Variants in MAPT observed in about 807,000 individuals in gnomAD.
MAPT encodes microtubule-associated protein tau.
MAPT carries 34 observed loss-of-function variants against 67.9 expected under a neutral mutation model. The ratio of observed to expected loss-of-function variants is 0.50; its 90% CI spans 0.38 to 0.67. MAPT has a LOEUF of 0.67. Ranked by LOEUF, MAPT falls within the 30% of genes least tolerant of loss-of-function variation. MAPT has a pLI of 0.00. For missense variants in MAPT, 881 were observed against 1,115.2 expected (o/e 0.79, Z 2.99); for synonymous variants, 456 against 464.5 (o/e 0.98, Z 0.23).
intron 3 of MAPT, 22 bp from the exon 4 acceptor site, chr17:45,978,353 C>T (rs1286825688): frequency 1.2e-6 from 2 of 1,603,924 alleles, no homozygotes; most frequent in Admixed American, 3.3e-5. Flanking sequence ...TACCCCCCTT[C>T]ATTTGCTGAC....
chr17:45,996,140 G>A lies in MAPT; in HGVS notation c.1733-259G>A, dbSNP rs2145827363. 6.6e-6 allele frequency among the ~76,000 whole-genome samples: 1 copy of A among 152,284 alleles called. No individual in the cohort carries two copies. The highest frequency in any genetic ancestry group is 1.9e-4 in the East Asian group (1 of 5,180). On this transcript the variant is annotated intron_variant, in intron 8 of 12. Transcript: ENST00000262410. The surrounding 1 kb of genome is among the most constrained non-coding windows in gnomAD (Gnocchi z 4.5). ...TGGAGCCGAGTTGGCCACCTCTCTG[G>A]GAGCGGGTATTGGATGGTGGTTGAT... is the stretch of plus-strand genomic sequence containing the variant.
chr17:45,956,546 TTTTATATATATATATATATATATATATA>T (rs1476027280), intron 1 of MAPT, among the ~76,000 whole-genome samples: 106 of 126,778 alleles, frequency 8.4e-4, no homozygotes, highest in African/African-American at 3.2e-3. Flanking sequence ...TAGCAGGTTC[TTTTATATATATATATATATATATATATA>T]TATATATATA....
chr17:45,922,216 G>A (rs957570506), intron 1 of MAPT, among the ~76,000 whole-genome samples: 16 of 152,116 alleles, frequency 1.1e-4, no homozygotes, highest in Admixed American at 6.5e-4. Flanking sequence ...CGAAGTGCTA[G>A]GATTACAGGC....
At chr17:45,992,613 G>A (rs1387351404) in intron 8 of MAPT, among the ~76,000 whole-genome samples, 2 of 152,188 alleles carry the variant, frequency 1.3e-5, no homozygotes, top group Non-Finnish European at 2.9e-5. Context: ...TCGCGGCTGG[G>A]CGTGGTGGCT....
In MAPT at chr17:46,010,216, G is replaced by A. The variant is rs975398863; in HGVS notation, c.1999-94G>A. ...CGAGCAAGTAGGCGGGTCCAGGGTG[G>A]CGCATGTCACTCATCGAAAGTGGAG... On this transcript the variant is annotated intron_variant, in intron 9 of 12. Transcript: ENST00000262410. The surrounding 1 kb of genome is among the most constrained non-coding windows in gnomAD (Gnocchi z 4.7). 1.2e-6 allele frequency: 1 copy of A among 823,626 alleles called. No individual in the cohort carries two copies. Among genetic ancestry groups the A allele is most frequent in the Admixed American group, 2.0e-5 (1 of 50,106 alleles). The allele number at this position is 823,626 out of a possible 1,614,324, so 51.0% of individuals were successfully genotyped here. A position where few individuals can be genotyped will look rare whatever the true frequency, so the allele number is the denominator to read the frequency against.
chr17:45,929,932 A>G lies in MAPT; in HGVS notation c.-17-32389A>G, dbSNP rs140858113. Among the ~76,000 whole-genome samples, 1,078 of 152,296 alleles carry G rather than the reference A, an allele frequency of 7.1e-3. 16 individuals carry two copies. The highest frequency in any genetic ancestry group is 0.025 in the African/African-American group (1,033 of 41,558). ...CCAGGGGAGCAGATAATGGGTATCC[A>G]GTTCCTGCAATATCCACCCTCTGGC... On this transcript the variant is annotated intron_variant, in intron 1 of 12. Transcript: ENST00000262410.
At chr17:46,023,566 G>A (rs1407380186) in intron 12 of MAPT, among the ~76,000 whole-genome samples, 3 of 152,216 alleles carry the variant, frequency 2.0e-5, no homozygotes, top group Non-Finnish European at 2.9e-5. Context: ...CTGGCCAGGC[G>A]CAGTGGCTCA....
rs1315222459 is a variant in MAPT, at chr17:46,006,970, AAAATAAAAT to A, written c.1999-3327_1999-3319del. Among the ~76,000 whole-genome samples, 774 of 106,364 alleles carry A rather than the reference AAAATAAAAT, an allele frequency of 7.3e-3. 4 individuals carry two copies. The highest frequency in any genetic ancestry group is 0.02 in the African/African-American group (741 of 36,264). The allele number at this position is 106,364 out of a possible 152,430, so 69.8% of individuals were successfully genotyped here. On this transcript the variant is annotated intron_variant, in intron 9 of 12. Coordinates refer to ENST00000262410, the MANE Select transcript of MAPT (RefSeq NM_001377265.1). ...ATAAAATAATAAAATAAAATAAAAT[AAAATAAAAT>A]AAATAAAATAAAATAAAATGTATAA...
chr17:45,905,583 G>A lies in MAPT; in HGVS notation c.-18+10897G>A, dbSNP rs556455910. Among the ~76,000 whole-genome samples, 9 of 152,250 alleles carry A rather than the reference G, an allele frequency of 5.9e-5. No individual in the cohort carries two copies. The South Asian group carries it at 1.0e-3, about 18-fold the overall frequency. On this transcript the variant is annotated intron_variant, in intron 1 of 12. Coordinates refer to ENST00000262410, the MANE Select transcript of MAPT (RefSeq NM_001377265.1). ...AAAAGACTTTTAAAAAGATCTTATCGTTTGTTACCAGTAAGACTGAATTCC... is the reference window on the plus strand; with the variant it reads ...AAAAGACTTTTAAAAAGATCTTATCATTTGTTACCAGTAAGACTGAATTCC...
rs1180865493 is a variant in MAPT, at chr17:46,018,702, C to A, written c.2258C>A (p.Thr753Asn). The change falls in exon 12 of 13, where the codon ACC becomes AAC. Residue 753 changes from threonine to asparagine, a missense_variant. Physicochemically the swap from Thr to Asn is moderately conservative, Grantham distance 65. Around this residue, in one of 6 missense-constraint regions of MAPT, gnomAD observed 79 missense variants for 150.9 expected, o/e 0.52. Transcript: ENST00000262410. ...QSKIGSLDNI[T>N]HVPGGGNKKI... The stretch of plus-strand genomic sequence containing the variant: ...AAGATTGGGTCCCTGGACAATATCA[C>A]CCACGTCCCTGGCGGAGGAAATAAA... 2 of 1,614,012 alleles carry A rather than the reference C, an allele frequency of 1.2e-6. No individual in the cohort carries two copies. Among genetic ancestry groups the A allele is most frequent in the Admixed American group, 3.3e-5 (2 of 60,018 alleles).
intron 10 of MAPT, among the ~76,000 whole-genome samples, chr17:46,013,636 C>T (rs909619297): frequency 4.6e-5 from 7 of 152,214 alleles, no homozygotes; most frequent in Non-Finnish European, 8.8e-5. Flanking sequence ...CACGTCCGAG[C>T]TGCTGAACTC....
In MAPT at chr17:45,983,036, C is replaced by G. The variant is rs953065737; in HGVS notation, c.457C>G (p.Gln153Glu). Residue 153 changes from glutamine (Q) to glutamate (E), a missense_variant, in exon 5 of 13, where the codon CAG becomes GAG. Physicochemically the swap from Gln to Glu is conservative, Grantham distance 29 (BLOSUM62 2). This residue lies in a region of MAPT where 687 missense variants were observed against 766.1 expected (regional missense o/e 0.90). Transcript: ENST00000262410. Reference sequence around the variant, plus strand: ...CGTCCCGCTGACCGCGAGCCTTCCTCAGCACCGTCCCGTTTGCCCAGCGCC... The same window carrying G: ...CGTCCCGCTGACCGCGAGCCTTCCTGAGCACCGTCCCGTTTGCCCAGCGCC... ...APVPLTASLP[Q>E]HRPVCPAPPP... The G allele has an allele frequency of 3.2e-5, 48 of 1,504,076 alleles. No homozygotes were observed. Among genetic ancestry groups the G allele is most frequent in the Non-Finnish European group, 4.3e-5 (48 of 1,123,204 alleles). 93.2% of individuals were successfully genotyped at this position (1,504,076 alleles called of 1,614,324 possible). A position where few individuals can be genotyped will look rare whatever the true frequency, so the allele number is the denominator to read the frequency against.
At chr17:45,980,573 T>C (rs2072848384) in intron 4 of MAPT, 1 of 151,708 alleles carries the variant, frequency 6.6e-6, no homozygotes. Context: ...ATTAATCATG[T>C]CAGTTTCCTC....
At chr17:45,964,616 G>A (rs1415695832) in intron 2 of MAPT, among the ~76,000 whole-genome samples, 4 of 151,860 alleles carry the variant, frequency 2.6e-5, no homozygotes, top group East Asian at 1.9e-4. Context: ...CCCAGGAGGC[G>A]GAGGTTGCCG....
chr17:46,021,070 C>A (rs992392970), intron 12 of MAPT, among the ~76,000 whole-genome samples: 9 of 152,170 alleles, frequency 5.9e-5, no homozygotes, highest in African/African-American at 2.2e-4. Context: ...AGATGGGCAC[C>A]CTCATCTTGT....
chr17:46,013,452 T>A (rs2075959545), intron 10 of MAPT, among the ~76,000 whole-genome samples: 1 of 152,182 alleles, frequency 6.6e-6, no homozygotes, highest in South Asian at 2.1e-4. Flanking sequence ...GAGGGAGCGG[T>A]GCCCTGGAGG....
At chr17:45,990,105 G>C (rs938808330) in intron 7 of MAPT, 30 bp downstream of exon 7, 8 of 1,602,858 alleles carry the variant, frequency 5.0e-6, no homozygotes, top group Non-Finnish European at 6.0e-6. Context: ...AAAGAACCAG[G>C]CTGCTCTGCT....
Position 45,996,781 on chromosome 17 carries a change from C to A in MAPT, c.1998+117C>A. 7.0e-7 allele frequency: 1 copy of A among 1,421,706 alleles called. No individual in the cohort carries two copies. The allele number at this position is 1,421,706 out of a possible 1,614,324, so 88.1% of individuals were successfully genotyped here. ...CGCGGTTGAGCGTGGAGTCGTGGGACTGTGCATGGAGGTGTGGGGCTCCCC... is the reference window on the plus strand; with the variant it reads ...CGCGGTTGAGCGTGGAGTCGTGGGAATGTGCATGGAGGTGTGGGGCTCCCC... On this transcript the variant is annotated intron_variant, in intron 9 of 12. Coordinates refer to ENST00000262410, the MANE Select transcript of MAPT (RefSeq NM_001377265.1). This position sits in a 1 kb window ranked among gnomAD's most constrained non-coding sequence, Gnocchi z 4.5.
intron 6 of MAPT, among the ~76,000 whole-genome samples, chr17:45,988,429 A>T (rs1012117111): frequency 2.6e-5 from 4 of 151,830 alleles, no homozygotes; most frequent in Non-Finnish European, 5.9e-5. Context: ...GGCCATGCCC[A>T]CCCGTCAAAA....
Sources: allele counts gnomAD v4.1 joint callset (sites outside exome capture counted in the v4.1 genomes callset), GRCh38; gene constraint gnomAD v4.1.1; regional missense constraint gnomAD v4.1.1; non-coding constraint Gnocchi (gnomAD v3.1); transcripts MANE v1.5; gene names NCBI Gene and HGNC (gene_info 2026-07-23, HGNC 2026-07-21).